IP6K1: variants seen among roughly 807,000 people sequenced by gnomAD.
IP6K1 encodes the protein inositol hexakisphosphate kinase 1.
IP6K1 carries 13 observed loss-of-function variants against 38.3 expected under a neutral mutation model. The ratio of observed to expected loss-of-function variants is 0.34; its 90% CI spans 0.22 to 0.54. IP6K1 has a LOEUF of 0.54. Ranked by LOEUF, IP6K1 falls within the 20% of genes least tolerant of loss-of-function variation. The probability of loss-of-function intolerance (pLI) is 0.92; values close to 1 mark genes in which losing one functional copy is unlikely to be tolerated. For synonymous variants in IP6K1, 212 were observed against 229.9 expected, an observed-to-expected ratio of 0.92 and a Z score of 0.70; for missense variants, 397 against 599.8, an observed-to-expected ratio of 0.66 and a Z score of 3.53.
At chr3:49,760,769 A>G (rs899811405) in intron 1 of IP6K1, among the ~76,000 whole-genome samples, 6 of 152,276 alleles carry the variant, frequency 3.9e-5, no homozygotes, top group Middle Eastern at 3.4e-3. Flanking sequence ...GACATCAGGA[A>G]TTAAACAGCC....
At chr3:49,736,257 G>T (rs1050370992) in intron 3 of IP6K1, among the ~76,000 whole-genome samples, 1 of 152,088 alleles carries the variant, frequency 6.6e-6, no homozygotes, top group African/African-American at 2.4e-5. Context: ...CAATTCTGTG[G>T]TTTTTTAGTG....
intron 1 of IP6K1, among the ~76,000 whole-genome samples, chr3:49,762,537 G>A (rs542117768): frequency 1.3e-5 from 2 of 151,994 alleles, no homozygotes. Flanking sequence ...GCAACAGAGC[G>A]AGACTCTGTC....
At chr3:49,783,055 A>C (rs1559718247) in intron 1 of IP6K1, among the ~76,000 whole-genome samples, 1 of 150,234 alleles carries the variant, frequency 6.7e-6, no homozygotes, top group Non-Finnish European at 1.5e-5. Flanking sequence ...AGGAGGCGGA[A>C]GTTGCAGTGA....
intron 4 of IP6K1, chr3:49,728,490 G>C (rs2080532162): frequency 1.8e-6 from 1 of 558,682 alleles, no homozygotes; most frequent in South Asian, 2.4e-5. Flanking sequence ...CCATTTTTAA[G>C]TGTACAATTC....
At chr3:49,737,075 T>G (rs2080619725) in intron 3 of IP6K1, among the ~76,000 whole-genome samples, 1 of 148,408 alleles carries the variant, frequency 6.7e-6, no homozygotes, top group Non-Finnish European at 1.5e-5. Context: ...CCTGGCCTTT[T>G]TTTTTTTTTT....
At chr3:49,737,765 C>T (rs927800946) in intron 3 of IP6K1, among the ~76,000 whole-genome samples, 1 of 152,156 alleles carries the variant, frequency 6.6e-6, no homozygotes, top group African/African-American at 2.4e-5. Flanking sequence ...GCAGGGAAAG[C>T]GTTAATGACT....
intron 2 of IP6K1, among the ~76,000 whole-genome samples, chr3:49,744,527 GC>G (rs2080705099): frequency 6.6e-6 from 1 of 151,410 alleles, no homozygotes; most frequent in African/African-American, 2.4e-5. Context: ...TCTAGATTGG[GC>G]CCTTCAATTC....
chr3:49,769,760 T>C (rs1036639893), intron 1 of IP6K1, among the ~76,000 whole-genome samples: 2 of 152,158 alleles, frequency 1.3e-5, no homozygotes, highest in African/African-American at 4.8e-5. Flanking sequence ...CTGTAGGAGA[T>C]AACTGCACGC....
At chr3:49,744,911 A>C (rs774178970) in intron 2 of IP6K1, among the ~76,000 whole-genome samples, 1 of 152,222 alleles carries the variant, frequency 6.6e-6, no homozygotes, top group African/African-American at 2.4e-5. Context: ...TGGCAGGTTT[A>C]AAAACAAATT....
In IP6K1 at chr3:49,727,363, T is replaced by A; in HGVS notation, c.1085A>T (p.Asp362Val). 6.2e-7 allele frequency: 1 copy of A among 1,614,062 alleles called. No individual in the cohort carries two copies. The highest frequency in any genetic ancestry group is 8.5e-7 in the Non-Finnish European group (1 of 1,180,012). ...RRSEMRLKHLDMVLPEVASSC... is the reference protein window; with the variant it reads ...RRSEMRLKHLVMVLPEVASSC... ...TGACGCCACCTCAGGGAGCACCATG[T>A]CCAGGTGCTTGAGACGCATCTCAGA... is the stretch of plus-strand genomic sequence containing the variant. The change falls in exon 6 of 6, where the codon GAC becomes GTC. Residue 362 changes from aspartate to valine, a missense_variant. By Grantham distance (152) the Asp-to-Val change is radical. Around this residue, in one of 3 missense-constraint regions of IP6K1, gnomAD observed 164 missense variants for 213.5 expected, o/e 0.77. Transcript: ENST00000321599. The surrounding 1 kb of genome is among the most constrained non-coding windows in gnomAD (Gnocchi z 5.9).
Position 49,748,130 on chromosome 3 carries a change from A to G in IP6K1, c.-90T>C. 7.6e-7 allele frequency: 1 copy of G among 1,313,436 alleles called. No individual in the cohort carries two copies. Among genetic ancestry groups the G allele is most frequent in the Admixed American group, 1.8e-5 (1 of 55,324 alleles). 81.4% of individuals were successfully genotyped at this position (1,313,436 alleles called of 1,614,324 possible). On this transcript the variant is annotated 5_prime_UTR_variant, in exon 2 of 6. Transcript: ENST00000321599. ...TACATAGAAGGTCCTGGCCAGGTGAAAGCCAATGGTCAGATTCTATTCAGC... is the reference window on the plus strand; with the variant it reads ...TACATAGAAGGTCCTGGCCAGGTGAGAGCCAATGGTCAGATTCTATTCAGC...
chr3:49,747,849 G>T lies in IP6K1; in HGVS notation c.192C>A (p.Pro64=). Residue 64 remains proline (P), a synonymous_variant, in exon 2 of 6, where the codon CCC becomes CCA. Transcript: ENST00000321599. Reference sequence around the variant, plus strand: ...ATTCAGGGGTGAACTCCTTCATTTCGGGAGGGAGGGACTCGTAAAAGCGCT... The same window carrying T: ...ATTCAGGGGTGAACTCCTTCATTTCTGGAGGGAGGGACTCGTAAAAGCGCT... ...REQRFYESLP[P]EMKEFTPEYK... is the part of the protein sequence containing the mutation. 1 of 1,614,060 alleles carries T rather than the reference G, an allele frequency of 6.2e-7. No individual in the cohort carries two copies. Among genetic ancestry groups the T allele is most frequent in the South Asian group, 1.1e-5 (1 of 91,072 alleles).
rs1009078413 is a variant in IP6K1, at chr3:49,725,881, G to A, written c.*1241C>T. The A allele has an allele frequency of 1.3e-5, 2 of 152,294 alleles. No individual in the cohort carries two copies. Among genetic ancestry groups the A allele is most frequent in the East Asian group, 1.9e-4 (1 of 5,198 alleles). 9.4% of individuals were successfully genotyped at this position (152,294 alleles called of 1,614,324 possible). ...TTCTGCTATCAGGTCTTTATAAAAA[G>A]GCAACACCTGTGGAGGAAGGGCATG... On this transcript the variant is annotated 3_prime_UTR_variant, in exon 6 of 6. Transcript: ENST00000321599.
intron 1 of IP6K1, among the ~76,000 whole-genome samples, chr3:49,783,380 GAA>G (rs993614097): frequency 5.1e-5 from 7 of 136,714 alleles, no homozygotes; most frequent in Non-Finnish European, 3.2e-5. Flanking sequence ...CCCTGTCTCA[GAA>G]AAAAAAAAAA....
At chr3:49,779,000 C>T (rs2081043022) in intron 1 of IP6K1, among the ~76,000 whole-genome samples, 1 of 151,962 alleles carries the variant, frequency 6.6e-6, no homozygotes, top group Non-Finnish European at 1.5e-5. Flanking sequence ...GTGTACAATT[C>T]AATGATTTTA....
At chr3:49,741,096 C>T (rs753488597) in intron 2 of IP6K1, among the ~76,000 whole-genome samples, 7 of 152,058 alleles carry the variant, frequency 4.6e-5, no homozygotes, top group Non-Finnish European at 8.8e-5. Flanking sequence ...GTGATCTGCC[C>T]GCCTCCCAAA....
intron 2 of IP6K1, among the ~76,000 whole-genome samples, chr3:49,739,090 G>T (rs891770670): frequency 2.0e-5 from 3 of 152,068 alleles, no homozygotes; most frequent in Non-Finnish European, 2.9e-5. Flanking sequence ...CCTCTCAAGT[G>T]TTCTTAATAC....
chr3:49,760,294 A>G (rs2080856933), intron 1 of IP6K1, among the ~76,000 whole-genome samples: 1 of 152,086 alleles, frequency 6.6e-6, no homozygotes, highest in Non-Finnish European at 1.5e-5. Flanking sequence ...ACCTTCACCT[A>G]CGCAAACCCA....
chr3:49,746,669 C>CAAA (rs35749020), intron 2 of IP6K1, among the ~76,000 whole-genome samples: 1 of 105,546 alleles, frequency 9.5e-6, no homozygotes. Context: ...GAGAAACTCT[C>CAAA]AAAAAAAAAA....
Sources: allele counts gnomAD v4.1 joint callset (sites outside exome capture counted in the v4.1 genomes callset), GRCh38; gene constraint gnomAD v4.1.1; regional missense constraint gnomAD v4.1.1; non-coding constraint Gnocchi (gnomAD v3.1); transcripts MANE v1.5; gene names NCBI Gene and HGNC (gene_info 2026-07-23, HGNC 2026-07-21).